The following LGR6 variants were observed in gnomAD, a reference collection of about 807,000 sequenced individuals.
LGR6 encodes leucine-rich repeat-containing G protein-coupled receptor 6.
In LGR6, 45 loss-of-function variants were observed where a neutral mutation model predicts 69.4. The observed-to-expected ratio is 0.65, with a 90% CI of 0.51 to 0.83. The LOEUF (loss-of-function observed/expected upper bound fraction) is 0.83. Among genes scored for constraint, LGR6 ranks in the 40% least tolerant of loss-of-function variants. The pLI is 0.00. For missense variants in LGR6, 1,108 were observed against 1,246.7 expected (o/e 0.89, Z 1.68); for synonymous variants, 538 against 555.0 (o/e 0.97, Z 0.43).
chr1:202,304,169 A>G (rs1334634804), intron 10 of LGR6, among the ~76,000 whole-genome samples: 5 of 152,094 alleles, frequency 3.3e-5, no homozygotes, highest in African/African-American at 4.8e-5. Context: ...TTTTCTGTCT[A>G]CACTTGCCCA....
intron 7 of LGR6, 26 bp downstream of exon 7, chr1:202,297,602 G>A (rs1667255892): frequency 6.2e-7 from 1 of 1,605,262 alleles, no homozygotes; most frequent in South Asian, 1.1e-5. Flanking sequence ...GGTTTCTGTG[G>A]GTGTCCTTCT....
intron 1 of LGR6, among the ~76,000 whole-genome samples, chr1:202,214,485 C>T (rs577156669): frequency 6.6e-6 from 1 of 151,778 alleles, no homozygotes; most frequent in African/African-American, 2.4e-5. Flanking sequence ...GGCGCGCGCG[C>T]GAGGCTGGTC....
chr1:202,251,485 C>G (rs1663238291), intron 4 of LGR6, among the ~76,000 whole-genome samples: 2 of 152,202 alleles, frequency 1.3e-5, no homozygotes, highest in Non-Finnish European at 2.9e-5. Context: ...ATTTCCAGAG[C>G]TCCAGGTTGG....
intron 1 of LGR6, among the ~76,000 whole-genome samples, chr1:202,207,106 C>CA (rs1280790598): frequency 1.3e-5 from 2 of 151,950 alleles, no homozygotes; most frequent in Non-Finnish European, 2.9e-5. Flanking sequence ...TTAGTAGAGA[C>CA]GGGTTTTCGC....
At chr1:202,276,976 A>T (rs1011504521) in intron 5 of LGR6, among the ~76,000 whole-genome samples, 1 of 152,300 alleles carries the variant, frequency 6.6e-6, no homozygotes, top group Non-Finnish European at 1.5e-5. Flanking sequence ...CATCACTTAT[A>T]ATTAGACAGC....
At chr1:202,239,347 GTGTGT>G (rs1661952752) in intron 4 of LGR6, among the ~76,000 whole-genome samples, 6 of 18,554 alleles carry the variant, frequency 3.2e-4, no homozygotes, top group Non-Finnish European at 6.2e-4. Flanking sequence ...TGTGTGTGGT[GTGTGT>G]GTGTGTGTGT....
intron 17 of LGR6, among the ~76,000 whole-genome samples, chr1:202,315,767 T>C (rs1176209370): frequency 6.6e-6 from 1 of 152,222 alleles, no homozygotes; most frequent in Non-Finnish European, 1.5e-5. Context: ...TTTCAGTGCT[T>C]GGTGACAACA....
intron 1 of LGR6, among the ~76,000 whole-genome samples, chr1:202,219,384 A>G (rs1206699314): frequency 1.3e-5 from 2 of 152,204 alleles, no homozygotes; most frequent in Non-Finnish European, 2.9e-5. Flanking sequence ...GACTGAGAGG[A>G]GAAGGCTCTG....
chr1:202,220,266 G>A (rs891179756), intron 1 of LGR6, among the ~76,000 whole-genome samples: 2 of 151,580 alleles, frequency 1.3e-5, no homozygotes, highest in Non-Finnish European at 2.9e-5. Flanking sequence ...CGTCCCGTTC[G>A]GAGTGCAGTG....
intron 6 of LGR6, among the ~76,000 whole-genome samples, chr1:202,284,496 A>G (rs1434433682): frequency 2.0e-5 from 3 of 152,192 alleles, no homozygotes; most frequent in Non-Finnish European, 4.4e-5. Context: ...TTGCTTTGTA[A>G]TACGTTGCTT....
intron 16 of LGR6, among the ~76,000 whole-genome samples, chr1:202,313,644 C>T (rs1215225751): frequency 6.6e-6 from 1 of 151,986 alleles, no homozygotes; most frequent in Non-Finnish European, 1.5e-5. Flanking sequence ...TACCTGGTGC[C>T]GAATAAGAAC....
chr1:202,273,614 T>C (rs1665293397), intron 4 of LGR6, among the ~76,000 whole-genome samples: 1 of 151,950 alleles, frequency 6.6e-6, no homozygotes, highest in Non-Finnish European at 1.5e-5. Context: ...TGTGCAACCA[T>C]GCCCGGCTAA....
chr1:202,241,709 AGTG>A lies in LGR6; in HGVS notation c.428+5718_428+5720del, dbSNP rs143173429. Among the ~76,000 whole-genome samples, 851 of 149,330 alleles carry A rather than the reference AGTG, an allele frequency of 5.7e-3. 7 individuals are homozygous for A. The highest frequency in any genetic ancestry group is 0.02 in the African/African-American group (819 of 40,392). ...GGAAACAGCATGGCAAAGCAGAAGA[AGTG>A]GGGGCTGCGCTGGTCTGGGTCCTGG... On this transcript the variant is annotated intron_variant, in intron 4 of 17. Coordinates refer to ENST00000367278, the MANE Select transcript of LGR6 (RefSeq NM_001017403.2).
intron 4 of LGR6, 194 bp downstream of exon 4, chr1:202,236,187 T>A: frequency 1.7e-6 from 1 of 595,864 alleles, no homozygotes; most frequent in Non-Finnish European, 3.0e-6. Context: ...CTGTGTACAC[T>A]CCTATGCATA....
intron 1 of LGR6, among the ~76,000 whole-genome samples, chr1:202,212,430 A>G (rs1387336885): frequency 6.6e-6 from 1 of 152,154 alleles, no homozygotes; most frequent in African/African-American, 2.4e-5. Context: ...AGTACCGCAA[A>G]CTGGGTGGCC....
chr1:202,255,731 T>C (rs1663714042), intron 4 of LGR6, among the ~76,000 whole-genome samples: 1 of 152,252 alleles, frequency 6.6e-6, no homozygotes, highest in African/African-American at 2.4e-5. Flanking sequence ...TTCTGTGTAT[T>C]TCTCTATGAG....
At chr1:202,233,760 A>C (rs1661290272) in intron 3 of LGR6, among the ~76,000 whole-genome samples, 1 of 152,166 alleles carries the variant, frequency 6.6e-6, no homozygotes, top group Admixed American at 6.5e-5. Context: ...GTGCTATTGA[A>C]CTTGTCCTCT....
At chr1:202,303,203 C>T in intron 9 of LGR6, 76 bp from the exon 10 acceptor site, 1 of 1,148,788 alleles carries the variant, frequency 8.7e-7, no homozygotes, top group South Asian at 1.2e-5. Context: ...GGAGGGGAGA[C>T]AAAATGGAGA....
chr1:202,304,867 C>A (rs1282580271), intron 11 of LGR6, among the ~76,000 whole-genome samples: 1 of 152,136 alleles, frequency 6.6e-6, no homozygotes, highest in South Asian at 2.1e-4. Flanking sequence ...ATATCCTCGT[C>A]TATAACATGG....
Sources: allele counts gnomAD v4.1 joint callset (sites outside exome capture counted in the v4.1 genomes callset), GRCh38; gene constraint gnomAD v4.1.1; transcripts MANE v1.5; gene names NCBI Gene and HGNC (gene_info 2026-07-23, HGNC 2026-07-21).